Variants in IPO11 observed in about 807,000 individuals in gnomAD.
IPO11 encodes the protein importin 11, also known as importin-11.
IPO11 carries 66 observed loss-of-function variants against 143.2 expected under a neutral mutation model. The observed-to-expected ratio is 0.46, with a 90% CI of 0.38 to 0.57. The LOEUF is 0.57. Among genes scored for constraint, IPO11 ranks in the 20% least tolerant of loss-of-function variants. IPO11 has a pLI of 0.00. For missense variants in IPO11, 1,026 were observed against 1,141.0 expected (o/e 0.90, Z 1.45); for synonymous variants, 385 against 377.8 (o/e 1.02, Z -0.22).
chr5:62,489,319 G>A lies in IPO11; in HGVS notation c.1327G>A (p.Asp443Asn). ...TTTTTTAGGACCCACAAATGTGGAA[G>A]ATATGAATGCACTGTTAATCAAAGA... ...QTLQGPTNVE[D>N]MNALLIKDAV... The change falls in exon 14 of 30, where the codon GAT becomes AAT. Residue 443 changes from aspartate (D) to asparagine (N), a missense_variant. Physicochemically the swap from Asp to Asn is conservative, Grantham distance 23. Around this residue, in one of 5 missense-constraint regions of IPO11, gnomAD observed 237 missense variants for 288.0 expected, o/e 0.82. Transcript: ENST00000325324. The A allele has an allele frequency of 6.4e-7, 1 of 1,563,616 alleles. No homozygotes were observed. The highest frequency in any genetic ancestry group is 1.2e-5 in the South Asian group (1 of 83,862).
intron 20 of IPO11, among the ~76,000 whole-genome samples, chr5:62,524,467 A>G (rs6895112): frequency 0.077 from 11,718 of 152,202 alleles, 709 homozygotes; most frequent in East Asian, 0.26. Flanking sequence ...CTGATAATCA[A>G]AATGAACTTG....
intron 27 of IPO11, chr5:62,579,513 C>G: frequency 6.4e-7 from 1 of 1,550,962 alleles, no homozygotes; most frequent in Non-Finnish European, 8.7e-7. Context: ...TATTATTACT[C>G]CACAAAGAAA....
intron 29 of IPO11, 36 bp from the exon 30 acceptor site, chr5:62,627,118 T>A: frequency 6.4e-7 from 1 of 1,562,058 alleles, no homozygotes. Flanking sequence ...CTTGTTTTGC[T>A]TTTTTGACAG....
chr5:62,591,081 C>A (rs1241212492), intron 27 of IPO11, among the ~76,000 whole-genome samples: 2 of 152,110 alleles, frequency 1.3e-5, no homozygotes, highest in Non-Finnish European at 1.5e-5. Flanking sequence ...TATAGGCTTG[C>A]ACCACTGCAC....
Position 62,607,909 on chromosome 5 carries a change from C to T in IPO11, c.2763+6061C>T, listed in dbSNP as rs150735772. On this transcript the variant is annotated intron_variant, in intron 29 of 29. Transcript: ENST00000325324. ...TCAGCTCACTGCAACCTCTGCCTCC[C>T]GGGTTCAAGCGATTCTCCTGCTTCA... 1.6e-4 allele frequency among the ~76,000 whole-genome samples: 25 copies of T among 152,036 alleles called. No homozygotes were observed. The East Asian group carries it at 1.7e-3, about 11-fold the overall frequency.
intron 13 of IPO11, among the ~76,000 whole-genome samples, chr5:62,488,933 G>T (rs1746509032): frequency 6.6e-6 from 1 of 152,192 alleles, no homozygotes. Flanking sequence ...AGCGCAGGAG[G>T]ATGAGGCTGC....
chr5:62,578,792 TAAAAA>T, intron 27 of IPO11: 31 of 338,588 alleles, frequency 9.2e-5, no homozygotes, highest in Admixed American at 2.7e-4. Context: ...AACGGTGACT[TAAAAA>T]AAAAAAAAAA....
intron 27 of IPO11, among the ~76,000 whole-genome samples, chr5:62,567,041 G>T (rs572219050): frequency 3.3e-5 from 5 of 152,148 alleles, no homozygotes; most frequent in African/African-American, 1.2e-4. Flanking sequence ...ATGTTTTCTT[G>T]TTACATTTTA....
intron 27 of IPO11, among the ~76,000 whole-genome samples, chr5:62,573,823 C>T (rs1358951633): frequency 6.6e-6 from 1 of 152,186 alleles, no homozygotes. Flanking sequence ...CTTGATGCCC[C>T]TGCAGTATTG....
intron 9 of IPO11, among the ~76,000 whole-genome samples, chr5:62,477,376 C>G (rs1301065): frequency 0.47 from 70,897 of 151,884 alleles, 16,719 homozygotes; most frequent in South Asian, 0.53. Flanking sequence ...TAATCTATTT[C>G]CCTTTTTAAT....
intron 27 of IPO11, among the ~76,000 whole-genome samples, chr5:62,577,599 A>G (rs1036580828): frequency 1.3e-5 from 2 of 152,072 alleles, no homozygotes; most frequent in African/African-American, 4.8e-5. Context: ...CATTTCTGTC[A>G]CTTGTTTTGT....
chr5:62,580,318 G>A, intron 27 of IPO11: 2 of 1,536,184 alleles, frequency 1.3e-6, no homozygotes, highest in Non-Finnish European at 1.8e-6. Context: ...TTTAAATTCT[G>A]ACACATTCAG....
chr5:62,591,289 G>T (rs1412241740), intron 27 of IPO11, among the ~76,000 whole-genome samples: 1 of 151,734 alleles, frequency 6.6e-6, no homozygotes, highest in Non-Finnish European at 1.5e-5. Flanking sequence ...CTTTATCTTT[G>T]TAGTTATATA....
intron 1 of IPO11, among the ~76,000 whole-genome samples, chr5:62,421,035 T>A (rs1470612265): frequency 6.6e-6 from 1 of 152,236 alleles, no homozygotes; most frequent in Non-Finnish European, 1.5e-5. Context: ...TTGCCAGCAT[T>A]GAATATTTTT....
chr5:62,426,785 TTA>T lies in IPO11; in HGVS notation c.-6-10479_-6-10478del, dbSNP rs1447455235. The stretch of plus-strand genomic sequence containing the variant: ...GTAGGTGTTTTTATTTTGTATAGTA[TTA>T]TATATATATTTTATATTTTAATTTT... On this transcript the variant is annotated intron_variant, in intron 1 of 29. Coordinates refer to ENST00000325324, the MANE Select transcript of IPO11 (RefSeq NM_016338.5). 2.7e-5 allele frequency among the ~76,000 whole-genome samples: 4 copies of T among 149,356 alleles called. No individual in the cohort carries two copies. In the South Asian group the frequency reaches 6.2e-4, roughly 23 times the overall value.
At chr5:62,518,920 T>C (rs1390177531) in intron 20 of IPO11, among the ~76,000 whole-genome samples, 1 of 152,142 alleles carries the variant, frequency 6.6e-6, no homozygotes, top group African/African-American at 2.4e-5. Flanking sequence ...ATGAATAGAA[T>C]GGGATCTTTG....
intron 21 of IPO11, among the ~76,000 whole-genome samples, chr5:62,529,138 CCTTT>C (rs1186482690): frequency 8.6e-5 from 13 of 151,994 alleles, no homozygotes; most frequent in African/African-American, 3.1e-4. Flanking sequence ...CAACTTTTAG[CCTTT>C]CTTCTATCTT....
chr5:62,476,973 A>G (rs1000364362), intron 9 of IPO11, among the ~76,000 whole-genome samples: 34 of 152,206 alleles, frequency 2.2e-4, no homozygotes, highest in African/African-American at 7.2e-4. Context: ...ACCTTGGTAC[A>G]TGAAAAATAA....
intron 22 of IPO11, 117 bp from the exon 23 acceptor site, chr5:62,536,585 G>C: frequency 1.7e-6 from 2 of 1,188,010 alleles, no homozygotes; most frequent in Non-Finnish European, 2.3e-6. Flanking sequence ...GATAGTACTC[G>C]GAAGAGGTTT....
Sources: allele counts gnomAD v4.1 joint callset (sites outside exome capture counted in the v4.1 genomes callset), GRCh38; gene constraint gnomAD v4.1.1; regional missense constraint gnomAD v4.1.1; transcripts MANE v1.5; gene names NCBI Gene and HGNC (gene_info 2026-07-23, HGNC 2026-07-21).